Variants in PTPRN2 observed in about 807,000 individuals in gnomAD.
PTPRN2 encodes the protein protein tyrosine phosphatase receptor type N2.
A neutral mutation model predicts 118.8 loss-of-function variants in PTPRN2; 74 were observed. That is an observed-to-expected ratio of 0.62 (90% CI 0.52 to 0.76). The LOEUF (loss-of-function observed/expected upper bound fraction) is 0.76, where lower values mean the gene tolerates loss of function less well. PTPRN2 is among the 30% of genes least tolerant of loss of function. PTPRN2 has a pLI of 0.00. For synonymous variants in PTPRN2, 641 were observed against 608.0 expected (o/e 1.05, Z -0.80); for missense variants, 1,481 against 1,394.4 (o/e 1.06, Z -0.99).
At chr7:157,707,741 A>C (rs937921756) in intron 12 of PTPRN2, among the ~76,000 whole-genome samples, 1 of 152,134 alleles carries the variant, frequency 6.6e-6, no homozygotes, top group Non-Finnish European at 1.5e-5. Context: ...TTGGGATTAC[A>C]GGCACGCACC....
intron 2 of PTPRN2, among the ~76,000 whole-genome samples, chr7:158,363,957 A>C (rs1214741285): frequency 6.6e-6 from 1 of 152,164 alleles, no homozygotes; most frequent in Non-Finnish European, 1.5e-5. Flanking sequence ...ACACACATGC[A>C]CATGGGGAGA....
chr7:158,167,233 G>T lies in PTPRN2; in HGVS notation c.608C>A (p.Thr203Asn). Residue 203 changes from threonine (T) to asparagine (N), a missense_variant, in exon 6 of 23, where the codon ACC becomes AAC. Physicochemically the swap from Thr to Asn is moderately conservative, Grantham distance 65. Around this residue, in one of 3 missense-constraint regions of PTPRN2, gnomAD observed 1,115 missense variants for 994.2 expected, o/e 1.12. Coordinates refer to ENST00000389418, the MANE Select transcript of PTPRN2 (RefSeq NM_002847.5). ...CTGGGTCCGGGACCCGGGAGGGTAG[G>T]TCAGCGCAGACGTGTGGGCCACATA... ...LTYVAHTSAL[T>N]YPPGSRTQLR... 6.2e-7 allele frequency: 1 copy of T among 1,613,320 alleles called. No individual in the cohort carries two copies. The highest frequency in any genetic ancestry group is 8.5e-7 in the Non-Finnish European group (1 of 1,179,842).
rs1824473380 is a variant in PTPRN2 at position 158,523,698 on chromosome 7, T to TCGTCTGCCCTGGAGC, written c.113-33914_113-33913insGCTCCAGGGCAGACG. Among the ~76,000 whole-genome samples the TCGTCTGCCCTGGAGC allele has an allele frequency of 6.5e-4, 18 of 27,740 alleles. 2 individuals are homozygous for TCGTCTGCCCTGGAGC. The highest frequency in any genetic ancestry group is 2.7e-3 in the East Asian group (2 of 754). The allele number at this position is 27,740 out of a possible 152,430, so 18.2% of individuals were successfully genotyped here. On this transcript the variant is annotated intron_variant, in intron 1 of 22. Transcript: ENST00000389418. ...TGGAGCGGAGTCGTCTGCCCTGGAG[T>TCGTCTGCCCTGGAGC]GGAGTCGTCTGCCCTGGAGTGGAGT...
chr7:158,382,251 G>A (rs1022358022), intron 2 of PTPRN2, among the ~76,000 whole-genome samples: 2 of 152,136 alleles, frequency 1.3e-5, no homozygotes, highest in Admixed American at 1.3e-4. Flanking sequence ...AGGATGTGGA[G>A]GAGGCCAGGA....
intron 18 of PTPRN2, 133 bp downstream of exon 18, chr7:157,577,888 C>T: frequency 8.0e-7 from 1 of 1,242,490 alleles, no homozygotes; most frequent in South Asian, 2.1e-5. Context: ...GCCTCCATCC[C>T]CTGAACATGG....
intron 6 of PTPRN2, among the ~76,000 whole-genome samples, chr7:158,151,834 T>C (rs112345999): frequency 0.011 from 1,691 of 152,320 alleles, 33 homozygotes; most frequent in African/African-American, 0.038. Flanking sequence ...AGTCCTTGCT[T>C]TTGTGTGACT....
chr7:157,744,939 G>A (rs1015242585), intron 12 of PTPRN2, among the ~76,000 whole-genome samples: 9 of 152,152 alleles, frequency 5.9e-5, no homozygotes, highest in Non-Finnish European at 1.3e-4. Context: ...GCCCTGAGGC[G>A]TGTCACCTCA....
At chr7:157,752,737 A>ATCTT (rs1326257959) in intron 12 of PTPRN2, among the ~76,000 whole-genome samples, 1 of 152,050 alleles carries the variant, frequency 6.6e-6, no homozygotes, top group Non-Finnish European at 1.5e-5. Context: ...CCATATTTTC[A>ATCTT]TCTTTTAGAA....
chr7:158,059,511 A>C (rs1406587030), intron 11 of PTPRN2, among the ~76,000 whole-genome samples: 2 of 121,676 alleles, frequency 1.6e-5, no homozygotes, highest in Non-Finnish European at 3.3e-5. Context: ...GCACACAGTG[A>C]CACATCACTG....
chr7:157,606,452 A>T (rs1028220610), intron 15 of PTPRN2, among the ~76,000 whole-genome samples: 2 of 152,240 alleles, frequency 1.3e-5, no homozygotes, highest in African/African-American at 4.8e-5. Context: ...AGGGCCTGTC[A>T]CTGCCATCCC....
chr7:158,340,832 C>G (rs183448968), intron 2 of PTPRN2, among the ~76,000 whole-genome samples: 61 of 65,460 alleles, frequency 9.3e-4, no homozygotes, highest in African/African-American at 2.6e-3. Context: ...CACACCCACA[C>G]TCTCACCATA....
chr7:157,867,528 G>A (rs1249398023), intron 12 of PTPRN2, among the ~76,000 whole-genome samples: 1 of 129,712 alleles, frequency 7.7e-6, no homozygotes, highest in Non-Finnish European at 1.6e-5. Context: ...CCACCACCCC[G>A]CCCCTGACGC....
In PTPRN2 at chr7:157,810,317, C is replaced by T. The variant is rs137879477; in HGVS notation, c.1788+88356G>A. On this transcript the variant is annotated intron_variant, in intron 12 of 22. Transcript: ENST00000389418. The stretch of plus-strand genomic sequence containing the variant: ...TAGACGTGTGGGGTCCACAGGCGGG[C>T]GCCCTGGCACTGGGGGCTCTGCAAC... Among the ~76,000 whole-genome samples the T allele has an allele frequency of 6.3e-3, 957 of 152,340 alleles. 6 individuals are homozygous for T. The highest frequency in any genetic ancestry group is 0.021 in the African/African-American group (862 of 41,574).
chr7:157,964,835 C>T lies in PTPRN2; in HGVS notation c.1724-66098G>A, dbSNP rs530487202. The stretch of plus-strand genomic sequence containing the variant: ...CATGGCCTGTTCTTTCGACGATCCT[C>T]CTCTTGCCCCAATTTCTCCACCGCA... On this transcript the variant is annotated intron_variant, in intron 11 of 22. Transcript: ENST00000389418. The surrounding 1 kb of genome is among the most constrained non-coding windows in gnomAD (Gnocchi z 9.0). Among the ~76,000 whole-genome samples, 1 of 152,346 alleles carries T rather than the reference C, an allele frequency of 6.6e-6. No homozygotes were observed. The highest frequency in any genetic ancestry group is 2.1e-4 in the South Asian group (1 of 4,828).
intron 12 of PTPRN2, among the ~76,000 whole-genome samples, chr7:157,898,406 C>T (rs557618946): frequency 1.3e-5 from 2 of 152,306 alleles, no homozygotes; most frequent in African/African-American, 2.4e-5. Flanking sequence ...AAGGCTTCTC[C>T]GTTCTTCTTA....
intron 12 of PTPRN2, among the ~76,000 whole-genome samples, chr7:157,730,273 G>A (rs1799820270): frequency 6.6e-6 from 1 of 152,102 alleles, no homozygotes; most frequent in Non-Finnish European, 1.5e-5. Flanking sequence ...AACTGTGTCT[G>A]GCTTTAAGGC....
intron 11 of PTPRN2, among the ~76,000 whole-genome samples, chr7:157,931,049 C>G (rs1236656190): frequency 6.6e-6 from 1 of 152,168 alleles, no homozygotes; most frequent in African/African-American, 2.4e-5. Context: ...GTCAAGAACT[C>G]CTTCTGCCGC....
chr7:158,416,741 G>A (rs1038046096), intron 2 of PTPRN2, among the ~76,000 whole-genome samples: 1 of 152,320 alleles, frequency 6.6e-6, no homozygotes, highest in Non-Finnish European at 1.5e-5. Context: ...GGACACTCAC[G>A]GTGCTGCAGG....
intron 3 of PTPRN2, among the ~76,000 whole-genome samples, chr7:158,244,726 AAGTGTGTG>A (rs1166460723): frequency 3.8e-5 from 2 of 52,996 alleles, no homozygotes; most frequent in Non-Finnish European, 7.3e-5. Flanking sequence ...GTTAGAGTGA[AAGTGTGTG>A]TGTGTGTGAG....
Sources: allele counts gnomAD v4.1 joint callset (sites outside exome capture counted in the v4.1 genomes callset), GRCh38; gene constraint gnomAD v4.1.1; regional missense constraint gnomAD v4.1.1; non-coding constraint Gnocchi (gnomAD v3.1); transcripts MANE v1.5; gene names NCBI Gene and HGNC (gene_info 2026-07-23, HGNC 2026-07-21).